FAS: variants seen among roughly 807,000 people sequenced by gnomAD.
The protein encoded by FAS is Fas cell surface death receptor, also known as tumor necrosis factor receptor superfamily member 6.
FAS carries 5 observed loss-of-function variants against 33.2 expected under a neutral mutation model. That is an observed-to-expected ratio of 0.15 (90% CI 0.08 to 0.32). The LOEUF (loss-of-function observed/expected upper bound fraction) is 0.32. Among genes scored for constraint, FAS ranks in the 10% least tolerant of loss-of-function variants. The pLI is 1.00. For synonymous variants in FAS, 131 were observed against 130.7 expected, an observed-to-expected ratio of 1.00 and a Z score of -0.01; for missense variants, 339 against 386.0, an observed-to-expected ratio of 0.88 and a Z score of 1.02.
upstream of FAS, among the ~76,000 whole-genome samples, chr10:88,983,638 AACACACACAC>A (rs755182708): frequency 2.8e-4 from 29 of 102,880 alleles, no homozygotes; most frequent in South Asian, 8.7e-3. Flanking sequence ...AAAAAAAAAA[AACACACACAC>A]ACACACACAC....
chr10:88,968,241 A>C (rs939301487), intron 1 of FAS, among the ~76,000 whole-genome samples: 1 of 152,214 alleles, frequency 6.6e-6, no homozygotes, highest in African/African-American at 2.4e-5. Flanking sequence ...TATTTGACTA[A>C]CCAGACACCT....
At chr10:89,013,395 G>A in intron 8 of FAS, 28 bp downstream of exon 8, 2 of 1,608,392 alleles carry the variant, frequency 1.2e-6, no homozygotes, top group South Asian at 1.1e-5. Flanking sequence ...TTATTTCATA[G>A]AGATGGCATC....
upstream of FAS, among the ~76,000 whole-genome samples, chr10:88,989,938 C>T (rs1281132948): frequency 6.6e-6 from 1 of 152,156 alleles, no homozygotes; most frequent in South Asian, 2.1e-4. Flanking sequence ...AGCTATCTAC[C>T]GTTCCAAAGC....
At chr10:89,007,620 G>A in intron 2 of FAS, 80 bp from the exon 3 acceptor site, 3 of 1,386,306 alleles carry the variant, frequency 2.2e-6, no homozygotes. Flanking sequence ...GAGTTTTATT[G>A]TCTGTCATCC....
intron 7 of FAS, chr10:89,012,381 T>C (rs1364530641): frequency 1.2e-5 from 4 of 325,948 alleles, no homozygotes; most frequent in Non-Finnish European, 2.4e-5. Flanking sequence ...GTTCACTTTG[T>C]TGCCCAGGCT....
intron 1 of FAS, chr10:88,973,178 A>G: frequency 6.2e-7 from 1 of 1,611,804 alleles, no homozygotes; most frequent in South Asian, 1.1e-5. Context: ...TGTGTGACCT[A>G]TAGATTCAGA....
intron 2 of FAS, chr10:88,973,350 A>T (rs532559607): frequency 1.3e-6 from 2 of 1,490,872 alleles, no homozygotes; most frequent in Middle Eastern, 1.8e-4. Context: ...GTGATTAGGT[A>T]ATCCAAGAAT....
intron 1 of FAS, chr10:88,991,309 G>A (rs902467493): frequency 1.3e-5 from 5 of 377,052 alleles, no homozygotes; most frequent in African/African-American, 1.1e-4. Flanking sequence ...CGGAACTCCT[G>A]GACAAGCCCT....
At position 89,015,753 on chromosome 10, in the gene FAS, G is replaced by T; in HGVS notation, c.*1303G>T. 1 of 492,610 alleles carries T rather than the reference G, an allele frequency of 2.0e-6. No individual in the cohort carries two copies. Among genetic ancestry groups the T allele is most frequent in the Non-Finnish European group, 3.9e-6 (1 of 257,202 alleles). The allele number at this position is 492,610 out of a possible 1,614,324, so 30.5% of individuals were successfully genotyped here. On this transcript the variant is annotated 3_prime_UTR_variant, in exon 9 of 9. Transcript: ENST00000652046. ...TTGTGTTTGGAATTATAAAATATAG[G>T]TAAAAGTACGTAATTAAATAATGTT...
intron 2 of FAS, chr10:88,973,926 C>T (rs147992022): frequency 0.02 from 3,055 of 152,628 alleles, 117 homozygotes; most frequent in African/African-American, 0.07. Context: ...CTCAGCCTCC[C>T]GAGTAGCGAG....
In FAS at chr10:88,969,562, C is replaced by T. The variant is rs114977707; in HGVS notation, n.95-3620C>T. On this transcript the variant is annotated intron_variant and non_coding_transcript_variant, in intron 1 of 3. Coordinates refer to the FAS transcript ENST00000688239. ...ATTTTTTAGATCAGTTTTATGTTTG[C>T]AGCATCAAGATCACTTTTTTTTTTG... is the stretch of plus-strand genomic sequence containing the variant. Among the ~76,000 whole-genome samples, 463 of 152,238 alleles carry T rather than the reference C, an allele frequency of 3.0e-3. 3 individuals carry two copies. The highest frequency in any genetic ancestry group is 0.011 in the African/African-American group (448 of 41,536).
At chr10:88,999,813 A>G (rs1302882935) in intron 1 of FAS, among the ~76,000 whole-genome samples, 1 of 152,220 alleles carries the variant, frequency 6.6e-6, no homozygotes, top group Non-Finnish European at 1.5e-5. Flanking sequence ...CTCCTGTTGC[A>G]TTTTTGACAT....
intron 2 of FAS, among the ~76,000 whole-genome samples, chr10:88,977,138 C>G (rs1341899664): frequency 6.6e-6 from 1 of 152,014 alleles, no homozygotes; most frequent in Non-Finnish European, 1.5e-5. Flanking sequence ...ATGGTAGTTT[C>G]TTTTGCTGTG....
upstream of FAS, among the ~76,000 whole-genome samples, chr10:88,984,931 C>A (rs148101863): frequency 1.8e-4 from 28 of 152,282 alleles, no homozygotes; most frequent in East Asian, 5.2e-3. Flanking sequence ...TGTTAGGCTG[C>A]AGGCAGTGCT....
At chr10:88,985,645 C>T (rs942839540), upstream of FAS, among the ~76,000 whole-genome samples, 1 of 152,180 alleles carries the variant, frequency 6.6e-6, no homozygotes, top group African/African-American at 2.4e-5. Flanking sequence ...GGTAAAGAGT[C>T]CCCCACCCCC....
chr10:88,988,601 G>A (rs886623685), upstream of FAS, among the ~76,000 whole-genome samples: 1 of 152,066 alleles, frequency 6.6e-6, no homozygotes, highest in Non-Finnish European at 1.5e-5. Context: ...ATCTGTTGGA[G>A]TGCCTGAAAT....
In FAS at chr10:89,012,025, T is replaced by G; in HGVS notation, c.595T>G (p.Cys199Gly). 1 of 1,613,982 alleles carries G rather than the reference T, an allele frequency of 6.2e-7. No individual in the cohort carries two copies. The highest frequency in any genetic ancestry group is 8.5e-7 in the Non-Finnish European group (1 of 1,179,866). Residue 199 changes from cysteine (C) to glycine (G), a missense_variant, in exon 7 of 9, where the codon TGC becomes GGC. By Grantham distance (159) the Cys-to-Gly change is radical. Transcript: ENST00000652046. ...GAAGAGAAAGGAAGTACAGAAAACATGCAGAAAGCACAGAAAGGAAAACCA... is the reference window on the plus strand; with the variant it reads ...GAAGAGAAAGGAAGTACAGAAAACAGGCAGAAAGCACAGAAAGGAAAACCA... ...WVKRKEVQKT[C>G]RKHRKENQGS...
intron 2 of FAS, chr10:88,974,374 T>C (rs1384966986): frequency 6.6e-6 from 1 of 152,216 alleles, no homozygotes; most frequent in African/African-American, 2.4e-5. Flanking sequence ...TGGTACTTTA[T>C]GTATTAAAAG....
intron 1 of FAS, among the ~76,000 whole-genome samples, chr10:88,999,949 T>G (rs1174380413): frequency 6.6e-6 from 1 of 152,226 alleles, no homozygotes; most frequent in African/African-American, 2.4e-5. Flanking sequence ...TTCTGGTGAT[T>G]TGTATAACTG....
Sources: allele counts gnomAD v4.1 joint callset (sites outside exome capture counted in the v4.1 genomes callset), GRCh38; gene constraint gnomAD v4.1.1; transcripts MANE v1.5; gene names NCBI Gene and HGNC (gene_info 2026-07-23, HGNC 2026-07-21).